ATXN7L1: variants seen among roughly 807,000 people sequenced by gnomAD.
ATXN7L1 encodes ataxin-7-like protein 1.
ATXN7L1 carries 15 observed loss-of-function variants against 70.8 expected under a neutral mutation model. The observed-to-expected ratio is 0.21, with a 90% CI of 0.14 to 0.33. The LOEUF (loss-of-function observed/expected upper bound fraction) is 0.33, where lower values mean the gene tolerates loss of function less well. ATXN7L1 is among the 10% of genes least tolerant of loss of function. The pLI is 1.00. For missense variants in ATXN7L1, 975 were observed against 1,097.1 expected, an observed-to-expected ratio of 0.89 and a Z score of 1.57; for synonymous variants, 440 against 445.1, an observed-to-expected ratio of 0.99 and a Z score of 0.14.
rs1191127689 is a variant in ATXN7L1, at chr7:105,848,182, AATAAG to A, written c.250+27625_250+27629del. Among the ~76,000 whole-genome samples, 11 of 152,380 alleles carry A rather than the reference AATAAG, an allele frequency of 7.2e-5. 1 individual carries two copies. The South Asian group carries it at 1.9e-3, about 26-fold the overall frequency. ...TAGTAATCATAAGAATGAAAACTAA[AATAAG>A]ATAACATTTGAACTTATTAAATCAT... On this transcript the variant is annotated intron_variant, in intron 2 of 11. Coordinates refer to ENST00000419735, the MANE Select transcript of ATXN7L1 (RefSeq NM_020725.2).
intron 9 of ATXN7L1, among the ~76,000 whole-genome samples, chr7:105,618,555 GTC>G: frequency 6.6e-6 from 1 of 152,286 alleles, no homozygotes; most frequent in South Asian, 2.1e-4. Context: ...GGCCTAAGGT[GTC>G]GTAGCTGCCT....
chr7:105,724,143 C>T (rs1795520368), intron 3 of ATXN7L1, among the ~76,000 whole-genome samples: 1 of 152,166 alleles, frequency 6.6e-6, no homozygotes, highest in African/African-American at 2.4e-5. Flanking sequence ...AGGCCAGACT[C>T]TGAAATCATG....
At chr7:105,803,585 G>C (rs973424876) in intron 2 of ATXN7L1, among the ~76,000 whole-genome samples, 1 of 152,128 alleles carries the variant, frequency 6.6e-6, no homozygotes, top group African/African-American at 2.4e-5. Flanking sequence ...CAGGTTAATG[G>C]GTCCATACCT....
At chr7:105,848,961 C>T (rs1308122824) in intron 2 of ATXN7L1, among the ~76,000 whole-genome samples, 1 of 152,156 alleles carries the variant, frequency 6.6e-6, no homozygotes, top group Admixed American at 6.5e-5. Context: ...TCAGGTCTGC[C>T]ACTAGCTATC....
chr7:105,821,290 C>G (rs1306314135), intron 2 of ATXN7L1, among the ~76,000 whole-genome samples: 1 of 152,212 alleles, frequency 6.6e-6, no homozygotes, highest in East Asian at 1.9e-4. Context: ...CCACCTGCCT[C>G]AGCCTCCCAA....
At chr7:105,810,616 G>A (rs907559834) in intron 2 of ATXN7L1, among the ~76,000 whole-genome samples, 5 of 152,168 alleles carry the variant, frequency 3.3e-5, no homozygotes, top group Non-Finnish European at 7.4e-5. Flanking sequence ...AGAGGGAAGA[G>A]CTAGTGCAAA....
chr7:105,649,009 T>C (rs1320395), intron 4 of ATXN7L1, among the ~76,000 whole-genome samples: 2,790 of 150,822 alleles, frequency 0.018, 75 homozygotes, highest in African/African-American at 0.065. Flanking sequence ...CACTGTTTGC[T>C]TAGGTGACAA....
chr7:105,624,649 C>CAA (rs386410908), intron 7 of ATXN7L1, among the ~76,000 whole-genome samples: 86,935 of 114,808 alleles, frequency 0.76, 34,931 homozygotes, highest in Non-Finnish European at 0.88. Flanking sequence ...GACTCTGTCT[C>CAA]AAAAAAAAAA....
intron 3 of ATXN7L1, among the ~76,000 whole-genome samples, chr7:105,730,525 G>A (rs1336280340): frequency 2.0e-5 from 3 of 152,148 alleles, no homozygotes; most frequent in East Asian, 3.9e-4. Context: ...ATGGTCAGGA[G>A]TTCAAGACCA....
intron 3 of ATXN7L1, among the ~76,000 whole-genome samples, chr7:105,698,448 T>G (rs1792022657): frequency 6.6e-6 from 1 of 152,216 alleles, no homozygotes; most frequent in Non-Finnish European, 1.5e-5. Flanking sequence ...CACTGCAGCC[T>G]TGACCTCCTG....
At chr7:105,796,684 A>C (rs957849198) in intron 2 of ATXN7L1, among the ~76,000 whole-genome samples, 9 of 152,164 alleles carry the variant, frequency 5.9e-5, no homozygotes, top group African/African-American at 2.2e-4. Context: ...CCTTTCCCCT[A>C]ATAATCTTTA....
chr7:105,716,105 C>A (rs192606126), intron 3 of ATXN7L1, among the ~76,000 whole-genome samples: 51 of 152,238 alleles, frequency 3.4e-4, no homozygotes, highest in Middle Eastern at 3.4e-3. Context: ...GAGGCCACAT[C>A]TGTCCTAAGC....
intron 3 of ATXN7L1, among the ~76,000 whole-genome samples, chr7:105,714,623 G>A (rs1373499489): frequency 1.3e-5 from 2 of 152,088 alleles, no homozygotes; most frequent in African/African-American, 2.4e-5. Context: ...TATACCTCTG[G>A]GCAGAAGAGC....
At chr7:105,691,085 G>A (rs1790746010) in intron 3 of ATXN7L1, among the ~76,000 whole-genome samples, 4 of 152,062 alleles carry the variant, frequency 2.6e-5, no homozygotes, top group South Asian at 4.1e-4. Context: ...TTCTTCCTCC[G>A]TCCCCCTCCC....
chr7:105,778,133 T>A (rs1802994933), intron 3 of ATXN7L1, among the ~76,000 whole-genome samples: 1 of 152,140 alleles, frequency 6.6e-6, no homozygotes, highest in South Asian at 2.1e-4. Context: ...ACCATGTGAC[T>A]CTGGAGAATG....
chr7:105,675,577 A>C (rs907803936), intron 3 of ATXN7L1, among the ~76,000 whole-genome samples: 13 of 152,074 alleles, frequency 8.5e-5, no homozygotes, highest in Non-Finnish European at 2.9e-5. Context: ...GTGACCTGAG[A>C]TCACGCCACT....
intron 3 of ATXN7L1, among the ~76,000 whole-genome samples, chr7:105,685,082 T>C (rs1806012703): frequency 2.3e-5 from 3 of 131,736 alleles, no homozygotes; most frequent in African/African-American, 8.0e-5. Flanking sequence ...ATAATAATAA[T>C]AATAAATGGT....
intron 9 of ATXN7L1, among the ~76,000 whole-genome samples, chr7:105,616,323 TGA>T (rs899005379): frequency 3.9e-5 from 6 of 152,238 alleles, no homozygotes; most frequent in African/African-American, 1.4e-4. Context: ...GAGGCACTGC[TGA>T]GAGATAAATG....
At chr7:105,812,830 G>A (rs1405701531) in intron 2 of ATXN7L1, among the ~76,000 whole-genome samples, 1 of 152,006 alleles carries the variant, frequency 6.6e-6, no homozygotes, top group Non-Finnish European at 1.5e-5. Context: ...ATGAAACCCT[G>A]TCTCTAGAAA....
Sources: gnomAD v4.1 joint callset for allele counts (sites outside exome capture counted in the v4.1 genomes callset) on GRCh38, gnomAD v4.1.1 for gene constraint, MANE v1.5 for transcripts, NCBI Gene and HGNC (gene_info 2026-07-23, HGNC 2026-07-21) for gene names.